The following NUMA1 variants were observed in gnomAD, a reference collection of about 807,000 sequenced individuals.
The protein encoded by NUMA1 is SP-H antigen.
Under a neutral mutation model 237.1 loss-of-function variants are expected in NUMA1, and 62 were observed. The observed-to-expected ratio is 0.26, with a 90% CI of 0.21 to 0.32. NUMA1 has a LOEUF of 0.32. Among genes scored for constraint, NUMA1 ranks in the 10% least tolerant of loss-of-function variants. The pLI is 1.00. For synonymous variants in NUMA1, 1,028 were observed against 1,066.1 expected, an observed-to-expected ratio of 0.96 and a Z score of 0.70; for missense variants, 2,533 against 2,666.5, an observed-to-expected ratio of 0.95 and a Z score of 1.10.
intron 2 of NUMA1, among the ~76,000 whole-genome samples, chr11:72,054,442 T>C (rs750332971): frequency 1.3e-5 from 2 of 149,526 alleles, no homozygotes; most frequent in Non-Finnish European, 3.0e-5. Context: ...CAATCCACCC[T>C]GGGAAACAAG....
chr11:72,033,016 ATGTG>A (rs1454533832), intron 3 of NUMA1, among the ~76,000 whole-genome samples: 2 of 152,052 alleles, frequency 1.3e-5, no homozygotes, highest in African/African-American at 4.8e-5. Context: ...TGGAATTATC[ATGTG>A]TGTGTATGTG....
chr11:72,035,862 T>C, intron 3 of NUMA1, 40 bp downstream of exon 3: 3 of 1,601,682 alleles, frequency 1.9e-6, no homozygotes, highest in Non-Finnish European at 2.6e-6. Context: ...TCAAGCTTCC[T>C]GGAGAAGTAT....
In NUMA1 at chr11:72,021,206, T is replaced by C; in HGVS notation, c.458A>G (p.Lys153Arg). Reference sequence around the variant, plus strand: ...CTCAGGAGTGTGTACCTACTTACCTTTCTGTAGGAAGTTCTCTAGGTCCTC... The same window carrying C: ...CTCAGGAGTGTGTACCTACTTACCTCTCTGTAGGAAGTTCTCTAGGTCCTC... ...LNEDLENFLQKAPVPSTCSST... is the reference protein window; with the variant it reads ...LNEDLENFLQRAPVPSTCSST... The change falls in exon 8 of 27, where the codon AAA becomes AGA. Residue 153 changes from lysine (K) to arginine (R), a missense_variant and splice_region_variant. Coordinates refer to ENST00000393695, the MANE Select transcript of NUMA1 (RefSeq NM_006185.4). The C allele has an allele frequency of 1.2e-6, 2 of 1,613,040 alleles. No homozygotes were observed. Among genetic ancestry groups the C allele is most frequent in the Non-Finnish European group, 1.7e-6 (2 of 1,178,976 alleles).
At chr11:72,011,148 A>G (rs781702452) in intron 16 of NUMA1, among the ~76,000 whole-genome samples, 16 of 152,118 alleles carry the variant, frequency 1.1e-4, no homozygotes, top group Admixed American at 2.0e-4. Context: ...AATCAGGAGA[A>G]TTGACTCTGG....
Position 72,003,432 on chromosome 11 carries a change from G to A in NUMA1, c.*95C>T, listed in dbSNP as rs949593844. The stretch of plus-strand genomic sequence containing the variant: ...AGGGGTTTGGCTACTGTTGGCCTGG[G>A]AGCTGAGAGAAGGCACTGAGAGGGA... On this transcript the variant is annotated 3_prime_UTR_variant, in exon 27 of 27. Transcript: ENST00000393695. 4.0e-6 allele frequency: 5 copies of A among 1,240,832 alleles called. No individual in the cohort carries two copies. In the African/African-American group the frequency reaches 4.4e-5, roughly 11 times the overall value. 76.9% of individuals were successfully genotyped at this position (1,240,832 alleles called of 1,614,324 possible).
chr11:72,014,536 C>T lies in NUMA1; in HGVS notation c.2967G>A (p.Met989Ile). 1 of 1,602,218 alleles carries T rather than the reference C, an allele frequency of 6.2e-7. No homozygotes were observed. The highest frequency in any genetic ancestry group is 8.5e-7 in the Non-Finnish European group (1 of 1,179,952). The change falls in exon 15 of 27, where the codon ATG becomes ATA. Residue 989 changes from methionine to isoleucine, a missense_variant. Met to Ile is a conservative substitution (Grantham distance 10, BLOSUM62 1). Around this residue, in one of 3 missense-constraint regions of NUMA1, gnomAD observed 1,414 missense variants for 1,508.1 expected, o/e 0.94. Coordinates refer to ENST00000393695, the MANE Select transcript of NUMA1 (RefSeq NM_006185.4). The surrounding 1 kb of genome is among the most constrained non-coding windows in gnomAD (Gnocchi z 4.6). The stretch of plus-strand genomic sequence containing the variant: ...CCTCCTGCTGCTGCCCCTGGCTCTC[C>T]ATCAGCGCGGCCCGCAGCCGTTCCA... ...NELERLRAAL[M>I]ESQGQQQEER...
At chr11:72,010,656 GC>G in intron 17 of NUMA1, 129 bp downstream of exon 17, 1 of 864,990 alleles carries the variant, frequency 1.2e-6, no homozygotes, top group Non-Finnish European at 1.8e-6. Flanking sequence ...TAAGCCACAG[GC>G]TTCCTAGGAG....
chr11:72,045,978 G>A (rs1247271472), intron 2 of NUMA1, among the ~76,000 whole-genome samples: 4 of 152,150 alleles, frequency 2.6e-5, no homozygotes, highest in South Asian at 2.1e-4. Flanking sequence ...CTAAACTCAA[G>A]GCAACAGCTT....
rs1201728088 is a variant in NUMA1 at position 72,014,392 on chromosome 11, G to A, written c.3111C>T (p.Ala1037=). 3.7e-6 allele frequency: 6 copies of A among 1,611,694 alleles called. No homozygotes were observed. In the African/African-American group the frequency reaches 4.0e-5, roughly 11 times the overall value. ...CGAACTCCACACGCTGCTCGTTGAG[G>A]GCGTTCTGCAGCCGCATCTCAAGCT... is the stretch of plus-strand genomic sequence containing the variant. ...RAELEMRLQN[A]LNEQRVEFAT... Residue 1037 remains alanine, a synonymous_variant, in exon 15 of 27, where the codon GCC becomes GCT. Coordinates refer to ENST00000393695, the MANE Select transcript of NUMA1 (RefSeq NM_006185.4). The surrounding 1 kb of genome is among the most constrained non-coding windows in gnomAD (Gnocchi z 4.6).
intron 15 of NUMA1, 47 bp downstream of exon 15, chr11:72,012,848 C>T (rs766064472): frequency 1.9e-6 from 3 of 1,589,678 alleles, no homozygotes; most frequent in Non-Finnish European, 1.7e-6. Context: ...TGTCCCCGCG[C>T]TCTCAGCTCC....
chr11:72,021,779 A>T (rs948653261), intron 7 of NUMA1, among the ~76,000 whole-genome samples: 37 of 151,996 alleles, frequency 2.4e-4, no homozygotes, highest in African/African-American at 4.6e-4. Context: ...CATTTTTTTT[A>T]AAAAAAATAT....
chr11:72,024,248 C>T, intron 5 of NUMA1, 26 bp downstream of exon 5: 2 of 1,608,452 alleles, frequency 1.2e-6, no homozygotes, highest in Non-Finnish European at 1.7e-6. Context: ...GCAGCTTCTT[C>T]ATAGCTGGAT....
chr11:72,016,306 C>A, intron 14 of NUMA1, 46 bp from the exon 15 acceptor site: 2 of 1,584,218 alleles, frequency 1.3e-6, no homozygotes, highest in South Asian at 1.1e-5. Flanking sequence ...ACTCCTCAGT[C>A]ATCAAGACTC....
chr11:72,045,635 C>T (rs565802916), intron 2 of NUMA1, among the ~76,000 whole-genome samples: 29 of 152,204 alleles, frequency 1.9e-4, no homozygotes, highest in African/African-American at 5.8e-4. Context: ...CATGCCACCA[C>T]GCCTGACTAA....
At chr11:72,033,163 T>TA (rs1940547316) in intron 3 of NUMA1, among the ~76,000 whole-genome samples, 1 of 152,258 alleles carries the variant, frequency 6.6e-6, no homozygotes, top group African/African-American at 2.4e-5. Context: ...TTTATATATA[T>TA]TTTTAAGAGA....
rs1938960205 is a variant in NUMA1, at chr11:72,022,279, G to A, written c.372+60C>T. 4.5e-6 allele frequency: 5 copies of A among 1,102,952 alleles called. No individual in the cohort carries two copies. In the South Asian group the frequency reaches 5.4e-5, roughly 12 times the overall value. 68.3% of individuals were successfully genotyped at this position (1,102,952 alleles called of 1,614,324 possible). On this transcript the variant is annotated intron_variant, in intron 7 of 26. Coordinates refer to ENST00000393695, the MANE Select transcript of NUMA1 (RefSeq NM_006185.4). ...GTATCTGCTGTTCAAAGAAAAACAA[G>A]TCAGGTGAGGTGAAGCATGGGCTAG...
chr11:72,019,458 G>A (rs2135225463), intron 9 of NUMA1, 36 bp downstream of exon 9: 1 of 1,606,910 alleles, frequency 6.2e-7, no homozygotes, highest in Non-Finnish European at 8.5e-7. Context: ...GATGGATGCT[G>A]AGGCCCTATC....
At chr11:72,008,135 G>A (rs759826405) in intron 20 of NUMA1, 6 of 479,230 alleles carry the variant, frequency 1.3e-5, no homozygotes, top group African/African-American at 2.0e-5. Context: ...ATTGTCATGA[G>A]TGCTTTATGT....
rs1955555379 is a variant in NUMA1, at chr11:72,004,645, G to C, written c.6001C>G (p.Pro2001Ala). Residue 2001 changes from proline (P) to alanine (A), a missense_variant, in exon 24 of 27, where the codon CCT becomes GCT. By Grantham distance (27) the Pro-to-Ala change is conservative. Around this residue, in one of 3 missense-constraint regions of NUMA1, gnomAD observed 795 missense variants for 750.8 expected, o/e 1.06. Transcript: ENST00000393695. ...CCAGGAGCCACCGCGCCTACCTCAG[G>C]AGTTCCAGGGCCCTGGTGGGGCTCT... is the stretch of plus-strand genomic sequence containing the variant. ...SLEPHQGPGT[P>A]ESKKATSCFP... 1 of 1,612,408 alleles carries C rather than the reference G, an allele frequency of 6.2e-7. No homozygotes were observed. Among genetic ancestry groups the C allele is most frequent in the Non-Finnish European group, 8.5e-7 (1 of 1,179,864 alleles).
Sources: gnomAD v4.1 joint callset for allele counts (sites outside exome capture counted in the v4.1 genomes callset) on GRCh38, gnomAD v4.1.1 for gene constraint, gnomAD v4.1.1 regional missense constraint, Gnocchi (gnomAD v3.1) non-coding constraint, MANE v1.5 for transcripts, NCBI Gene and HGNC (gene_info 2026-07-23, HGNC 2026-07-21) for gene names.